Variants in TNR observed in about 807,000 individuals in gnomAD.
The protein encoded by TNR is tenascin-R.
A neutral mutation model predicts 150.4 loss-of-function variants in TNR; 45 were observed. The observed-to-expected ratio is 0.30, with a 90% CI of 0.24 to 0.38. The LOEUF (loss-of-function observed/expected upper bound fraction) is 0.38. TNR is among the 10% of genes least tolerant of loss of function. TNR has a pLI of 1.00. For missense variants in TNR, 1,544 were observed against 1,759.1 expected, an observed-to-expected ratio of 0.88 and a Z score of 2.19; for synonymous variants, 687 against 678.4, an observed-to-expected ratio of 1.01 and a Z score of -0.20.
At chr1:175,647,435 C>CAAAAAAAAAAAAAAAAAAA (rs397745737) in intron 1 of TNR, among the ~76,000 whole-genome samples, 1 of 121,650 alleles carries the variant, frequency 8.2e-6, no homozygotes, top group African/African-American at 3.1e-5. Flanking sequence ...CTATTCGGTG[C>CAAAAAAAAAAAAAAAAAAA]AAAAAAAAAA....
At chr1:175,398,597 C>T (rs1653550491) in intron 4 of TNR, among the ~76,000 whole-genome samples, 1 of 152,132 alleles carries the variant, frequency 6.6e-6, no homozygotes, top group Admixed American at 6.6e-5. Flanking sequence ...GTACCAAGTA[C>T]AATGCTAACC....
intron 9 of TNR, among the ~76,000 whole-genome samples, chr1:175,373,969 C>T (rs571423602): frequency 6.6e-6 from 1 of 152,282 alleles, no homozygotes; most frequent in East Asian, 1.9e-4. Flanking sequence ...TAGAGGGTGC[C>T]TTACCAAAGT....
intron 1 of TNR, among the ~76,000 whole-genome samples, chr1:175,603,504 C>T (rs1663315368): frequency 6.6e-6 from 1 of 152,236 alleles, no homozygotes; most frequent in African/African-American, 2.4e-5. Flanking sequence ...TGGACACTAG[C>T]AGGAGCAAGA....
chr1:175,659,780 G>A (rs139582049), intron 1 of TNR, among the ~76,000 whole-genome samples: 2 of 152,232 alleles, frequency 1.3e-5, no homozygotes, highest in Non-Finnish European at 2.9e-5. Context: ...CAGCTGCAAA[G>A]CCTCACTGCT....
chr1:175,424,981 G>A (rs1654910589), intron 2 of TNR, among the ~76,000 whole-genome samples: 1 of 152,080 alleles, frequency 6.6e-6, no homozygotes, highest in Non-Finnish European at 1.5e-5. Flanking sequence ...CAGACCTGGG[G>A]GGCCTGGGGA....
At chr1:175,556,266 AAC>A (rs747650543) in intron 1 of TNR, among the ~76,000 whole-genome samples, 4 of 152,054 alleles carry the variant, frequency 2.6e-5, no homozygotes, top group Non-Finnish European at 5.9e-5. Flanking sequence ...CACCAAGCTC[AAC>A]ACACCCACAT....
chr1:175,367,141 G>A (rs971540886), intron 10 of TNR, 67 bp downstream of exon 10: 22 of 1,443,576 alleles, frequency 1.5e-5, no homozygotes, highest in Non-Finnish European at 1.8e-5. Context: ...TTGCTGGGAC[G>A]AGCCTCCATG....
chr1:175,635,865 A>G (rs1369094199), intron 1 of TNR, among the ~76,000 whole-genome samples: 2 of 152,000 alleles, frequency 1.3e-5, no homozygotes, highest in Non-Finnish European at 2.9e-5. Flanking sequence ...TGAAAAATCC[A>G]TACTTTAGAA....
chr1:175,444,038 G>T (rs1207051992), intron 2 of TNR, among the ~76,000 whole-genome samples: 1 of 152,180 alleles, frequency 6.6e-6, no homozygotes, highest in Non-Finnish European at 1.5e-5. Flanking sequence ...ATGGACTTGG[G>T]GGGTGGTCTG....
At chr1:175,702,861 G>T (rs891481746) in intron 1 of TNR, among the ~76,000 whole-genome samples, 1 of 152,168 alleles carries the variant, frequency 6.6e-6, no homozygotes, top group Non-Finnish European at 1.5e-5. Flanking sequence ...CTTGAAACAC[G>T]TAAAATCCTT....
chr1:175,742,934 G>C (rs1441427085), intron 1 of TNR, among the ~76,000 whole-genome samples: 1 of 149,118 alleles, frequency 6.7e-6, no homozygotes. Context: ...CCGCAATTTA[G>C]CTCAGACCTC....
At chr1:175,732,742 A>C (rs1667676567) in intron 1 of TNR, among the ~76,000 whole-genome samples, 2 of 152,164 alleles carry the variant, frequency 1.3e-5, no homozygotes. Flanking sequence ...GCCATTTGTC[A>C]CGTGTCTTCA....
intron 1 of TNR, among the ~76,000 whole-genome samples, chr1:175,657,030 C>T (rs1390089167): frequency 6.6e-6 from 1 of 151,856 alleles, no homozygotes; most frequent in Non-Finnish European, 1.5e-5. Context: ...GTGGTAGATC[C>T]AGAAAGGAAG....
intron 1 of TNR, among the ~76,000 whole-genome samples, chr1:175,726,010 GA>G (rs1667467145): frequency 1.3e-5 from 2 of 152,202 alleles, no homozygotes; most frequent in South Asian, 4.1e-4. Flanking sequence ...TGAGAAAAAA[GA>G]ACTTAGAGTG....
At chr1:175,565,210 C>A (rs1309698676) in intron 1 of TNR, among the ~76,000 whole-genome samples, 4 of 152,192 alleles carry the variant, frequency 2.6e-5, no homozygotes, top group African/African-American at 9.6e-5. Context: ...TCTGAGGGTG[C>A]TGTCTTTCTA....
intron 2 of TNR, among the ~76,000 whole-genome samples, chr1:175,504,163 A>G (rs968774008): frequency 1.3e-5 from 2 of 152,264 alleles, no homozygotes; most frequent in East Asian, 3.9e-4. Context: ...TTTGGGCTCA[A>G]TGGTTCAGCT....
intron 1 of TNR, among the ~76,000 whole-genome samples, chr1:175,588,917 G>T (rs1662683419): frequency 6.6e-6 from 1 of 152,234 alleles, no homozygotes; most frequent in South Asian, 2.1e-4. Flanking sequence ...ACCCAGTATG[G>T]CCAGTTCTTG....
intron 18 of TNR, 127 bp from the exon 19 acceptor site, chr1:175,337,806 G>A: frequency 9.1e-7 from 1 of 1,098,974 alleles, no homozygotes; most frequent in East Asian, 2.6e-5. Context: ...AATCCTCAAC[G>A]GAGCTCAAGG....
chr1:175,335,821 A>G lies in TNR; in HGVS notation c.3535-14T>C. The G allele has an allele frequency of 6.3e-7, 1 of 1,598,848 alleles. No individual in the cohort carries two copies. The highest frequency in any genetic ancestry group is 8.5e-7 in the Non-Finnish European group (1 of 1,174,670). ...CCTCTGGAATACCTATGAAGGAAAT[A>G]AAAAAACAAAAAACAAACAAACAAA... On this transcript the variant is annotated splice_polypyrimidine_tract_variant and intron_variant, in intron 19 of 22. Transcript: ENST00000367674.
Sources: allele counts gnomAD v4.1 joint callset (sites outside exome capture counted in the v4.1 genomes callset), GRCh38; gene constraint gnomAD v4.1.1; transcripts MANE v1.5; gene names NCBI Gene and HGNC (gene_info 2026-07-23, HGNC 2026-07-21).